NPC1: variants seen among roughly 807,000 people sequenced by gnomAD.
NPC1 encodes the protein NPC intracellular cholesterol transporter 1.
In NPC1, 85 loss-of-function variants were observed where a neutral mutation model predicts 140.4. That is an observed-to-expected ratio of 0.61 (90% CI 0.51 to 0.72). NPC1 has a LOEUF of 0.72. NPC1 is among the 30% of genes least tolerant of loss of function. The pLI is 0.00. For synonymous variants in NPC1, 656 were observed against 624.8 expected (o/e 1.05, Z -0.74); for missense variants, 1,504 against 1,623.8 (o/e 0.93, Z 1.27).
chr18:23,572,957 T>C (rs1332367623), intron 2 of NPC1, among the ~76,000 whole-genome samples: 1 of 152,212 alleles, frequency 6.6e-6, no homozygotes, highest in Non-Finnish European at 1.5e-5. Flanking sequence ...TTTCCAGTTC[T>C]AATATCCCTG....
rs374406578 is a variant in NPC1 at position 23,539,474 on chromosome 18, G to A, written c.2796-4C>T. ...GGGGGCGAAGCCTATTCGGGTACTA[G>A]AGAGGACAGACAGGGTTACTGACCT... On this transcript the variant is annotated splice_polypyrimidine_tract_variant and splice_region_variant and intron_variant, in intron 18 of 24. Transcript: ENST00000269228. 7 of 1,601,498 alleles carry A rather than the reference G, an allele frequency of 4.4e-6. No individual in the cohort carries two copies. The African/African-American group carries it at 9.4e-5, about 21-fold the overall frequency.
Position 23,540,448 on chromosome 18 carries a change from A to G in NPC1, c.2604T>C (p.Asp868=), listed in dbSNP as rs1490210406. The G allele has an allele frequency of 1.3e-6, 2 of 1,584,604 alleles. No homozygotes were observed. The change falls in exon 17 of 25, where the codon GAT becomes GAC. Residue 868 remains aspartate (D), a splice_region_variant and synonymous_variant. Coordinates refer to ENST00000269228, the MANE Select transcript of NPC1 (RefSeq NM_000271.5). ...IGLDQSLSMP[D]DSYMVDYFKS... ...AAAAAAAAAAAGGAAGTCATCTTAC[A>G]TCTGGCATCGAAAGAGACTGATCCA... is the stretch of plus-strand genomic sequence containing the variant.
Position 23,534,447 on chromosome 18 carries a change from G to T in NPC1, c.3590C>A (p.Ser1197Tyr), listed in dbSNP as rs1234099104. 1 of 1,608,034 alleles carries T rather than the reference G, an allele frequency of 6.2e-7. No individual in the cohort carries two copies. Among genetic ancestry groups the T allele is most frequent in the East Asian group, 2.2e-5 (1 of 44,854 alleles). Residue 1197 changes from serine to tyrosine, a missense_variant and splice_region_variant, in exon 23 of 25, where the codon TCC becomes TAC. Coordinates refer to ENST00000269228, the MANE Select transcript of NPC1 (RefSeq NM_000271.5). ...CGTGGCCCTGCTCAGGGTACTCACG[G>T]AGCTGCCCATGTGGGCAAGTGCCTC... ...AEEALAHMGS[S>Y]VFSGITLTKF...
chr18:23,581,797 T>C (rs986749442), intron 1 of NPC1, among the ~76,000 whole-genome samples: 3 of 152,194 alleles, frequency 2.0e-5, no homozygotes, highest in Admixed American at 2.0e-4. Context: ...ACCTGATACA[T>C]TAATTCATCC....
At chr18:23,563,527 T>A (rs2059074709) in intron 4 of NPC1, among the ~76,000 whole-genome samples, 1 of 152,112 alleles carries the variant, frequency 6.6e-6, no homozygotes, top group Non-Finnish European at 1.5e-5. Context: ...GCTCAAGTGA[T>A]CCTCCCACTT....
In NPC1 at chr18:23,542,732, C is replaced by T. The variant is rs149953257; in HGVS notation, c.2245+723G>A. On this transcript the variant is annotated intron_variant, in intron 14 of 24. Transcript: ENST00000269228. ...AGAGAAAGACTGCCTTTGAAAACAACGGCAAACATCTTGTAAGCGAGTGCC... is the reference window on the plus strand; with the variant it reads ...AGAGAAAGACTGCCTTTGAAAACAATGGCAAACATCTTGTAAGCGAGTGCC... Among the ~76,000 whole-genome samples, 636 of 152,326 alleles carry T rather than the reference C, an allele frequency of 4.2e-3. 3 individuals are homozygous for T. Among genetic ancestry groups the T allele is most frequent in the Non-Finnish European group, 3.9e-3 (264 of 68,026 alleles).
At chr18:23,524,472 C>T (rs141623982), downstream of NPC1, 36 of 1,614,000 alleles carry the variant, frequency 2.2e-5, no homozygotes, top group South Asian at 1.2e-4. Flanking sequence ...TCATTATCAG[C>T]GCAAGCCAAG....
intron 1 of NPC1, chr18:23,576,566 G>A (rs2059282653): frequency 2.1e-6 from 2 of 952,866 alleles, no homozygotes; most frequent in Middle Eastern, 5.1e-4. Context: ...TGGTCTCACT[G>A]ACTTCAAGAA....
downstream of NPC1, among the ~76,000 whole-genome samples, chr18:23,524,762 A>G (rs1365555766): frequency 1.3e-5 from 2 of 151,782 alleles, no homozygotes. Context: ...GGTGGATGGA[A>G]AGCCGGACTC....
chr18:23,541,510 T>C (rs1181843356), intron 14 of NPC1, 77 bp from the exon 15 acceptor site: 10 of 1,596,036 alleles, frequency 6.3e-6, no homozygotes, highest in South Asian at 4.4e-5. Context: ...TTCATGTGCA[T>C]GTACAGATAC....
intron 1 of NPC1, 104 bp from the exon 2 acceptor site, chr18:23,573,678 T>A (rs928349295): frequency 5.1e-5 from 70 of 1,379,146 alleles, no homozygotes; most frequent in Non-Finnish European, 7.0e-5. Context: ...CAATGCTACC[T>A]GCAAAATTAA....
chr18:23,532,301 C>G lies in NPC1; in HGVS notation c.3755-17G>C, dbSNP rs2058538484. On this transcript the variant is annotated splice_polypyrimidine_tract_variant and intron_variant, in intron 24 of 24. Transcript: ENST00000269228. Reference sequence around the variant, plus strand: ...CTGATGGCCCTATGAGAGAGAGAGACTTTTTCTTATTTCTGCAGGAGAAAG... The same window carrying G: ...CTGATGGCCCTATGAGAGAGAGAGAGTTTTTCTTATTTCTGCAGGAGAAAG... The G allele has an allele frequency of 6.2e-7, 1 of 1,613,476 alleles. No homozygotes were observed. Among genetic ancestry groups the G allele is most frequent in the Admixed American group, 1.7e-5 (1 of 59,974 alleles).
At chr18:23,529,342 A>G, downstream of NPC1, 1 of 1,578,350 alleles carries the variant, frequency 6.3e-7, no homozygotes, top group South Asian at 1.2e-5. Flanking sequence ...GAATGCTCAA[A>G]ACAAGGAAGT....
At chr18:23,580,878 C>T (rs948050752) in intron 1 of NPC1, among the ~76,000 whole-genome samples, 11 of 152,170 alleles carry the variant, frequency 7.2e-5, no homozygotes, top group African/African-American at 2.2e-4. Context: ...TGGAGGCTGC[C>T]GGGCTGGTCT....
intron 3 of NPC1, chr18:23,516,522 T>C (rs2058009719): frequency 1.6e-6 from 2 of 1,216,136 alleles, no homozygotes; most frequent in Non-Finnish European, 2.4e-6. Context: ...CCCTGACCCC[T>C]AGAACACATA....
In NPC1 at chr18:23,555,136, G is replaced by A. The variant is rs558640514; in HGVS notation, c.1327-152C>T. On this transcript the variant is annotated intron_variant, in intron 8 of 24. Coordinates refer to ENST00000269228, the MANE Select transcript of NPC1 (RefSeq NM_000271.5). Reference sequence around the variant, plus strand: ...AGGGAGAGAATTAAGATGCAATACAGTAAGAAAACTGGTCAGGCCACAGGC... The same window carrying A: ...AGGGAGAGAATTAAGATGCAATACAATAAGAAAACTGGTCAGGCCACAGGC... 1.9e-4 allele frequency: 131 copies of A among 690,434 alleles called. No homozygotes were observed. The African/African-American group carries it at 1.9e-3, about 10-fold the overall frequency. The allele number at this position is 690,434 out of a possible 1,614,324, so 42.8% of individuals were successfully genotyped here.
At chr18:23,527,074 T>C (rs2145268015), downstream of NPC1, among the ~76,000 whole-genome samples, 2 of 152,222 alleles carry the variant, frequency 1.3e-5, 1 homozygote, top group South Asian at 4.1e-4. Flanking sequence ...TCACTGCATA[T>C]GTGTCTTCTT....
In NPC1 at chr18:23,539,374, G is replaced by T; in HGVS notation, c.2892C>A (p.Asp964Glu). The change falls in exon 19 of 25, where the codon GAC becomes GAA. Residue 964 changes from aspartate to glutamate, a missense_variant. Transcript: ENST00000269228. ...AGGTACCTGAAGCATTGCAGAACTG[G>T]TCAGTGATATTGTCCACTCGACAGC... The part of the protein sequence containing the change: ...SSCCRVDNIT[D>E]QFCNASVVDP... 6.2e-7 allele frequency: 1 copy of T among 1,612,966 alleles called. No homozygotes were observed. Among genetic ancestry groups the T allele is most frequent in the African/African-American group, 1.3e-5 (1 of 75,050 alleles).
chr18:23,527,352 G>A (rs1026553354), downstream of NPC1, among the ~76,000 whole-genome samples: 1 of 151,920 alleles, frequency 6.6e-6, no homozygotes, highest in African/African-American at 2.4e-5. Context: ...CGAGCCGTTT[G>A]TGTCAGTGTA....
Sources: allele counts gnomAD v4.1 joint callset (sites outside exome capture counted in the v4.1 genomes callset), GRCh38; gene constraint gnomAD v4.1.1; transcripts MANE v1.5; gene names NCBI Gene and HGNC (gene_info 2026-07-23, HGNC 2026-07-21).